CMTM8: variants seen among roughly 807,000 people sequenced by gnomAD.
CMTM8 encodes the protein CKLF-like MARVEL transmembrane domain-containing protein 8.
A neutral mutation model predicts 18.6 loss-of-function variants in CMTM8; 12 were observed. That is an observed-to-expected ratio of 0.65 (90% CI 0.41 to 1.05). The LOEUF is 1.05. Ranked by LOEUF, CMTM8 falls within the 50% of genes least tolerant of loss-of-function variation. The pLI, the probability that CMTM8 is intolerant of heterozygous loss-of-function variation, is 0.00. For synonymous variants in CMTM8, 87 were observed against 90.6 expected (o/e 0.96, Z 0.23); for missense variants, 217 against 227.2 (o/e 0.95, Z 0.29).
intron 1 of CMTM8, among the ~76,000 whole-genome samples, chr3:32,329,487 A>C (rs2125582760): frequency 6.6e-6 from 1 of 152,364 alleles, no homozygotes; most frequent in East Asian, 1.9e-4. Flanking sequence ...GACTGATGTA[A>C]TACACCACAT....
At chr3:32,340,960 C>T (rs73824677) in intron 1 of CMTM8, among the ~76,000 whole-genome samples, 4,208 of 152,328 alleles carry the variant, frequency 0.028, 109 homozygotes, top group South Asian at 0.066. Context: ...CTGTGTCAAA[C>T]TCTGTAATAT....
At chr3:32,249,210 C>T (rs1702083256) in intron 1 of CMTM8, among the ~76,000 whole-genome samples, 1 of 151,678 alleles carries the variant, frequency 6.6e-6, no homozygotes, top group Non-Finnish European at 1.5e-5. Context: ...AGGCAGATCG[C>T]TTGAGCCCAG....
chr3:32,252,589 T>C (rs759637769), intron 1 of CMTM8, among the ~76,000 whole-genome samples: 6 of 152,250 alleles, frequency 3.9e-5, no homozygotes, highest in South Asian at 2.1e-4. Context: ...TCTTACTCAG[T>C]TTTAAGTATT....
Position 32,353,906 on chromosome 3 carries a change from T to C in CMTM8, c.148-3467T>C, listed in dbSNP as rs558533937. Among the ~76,000 whole-genome samples, 359 of 151,106 alleles carry C rather than the reference T, an allele frequency of 2.4e-3. 2 individuals carry two copies. The highest frequency in any genetic ancestry group is 8.6e-3 in the African/African-American group (356 of 41,160). On this transcript the variant is annotated intron_variant, in intron 1 of 3. Coordinates refer to ENST00000307526, the MANE Select transcript of CMTM8 (RefSeq NM_178868.5). The stretch of plus-strand genomic sequence containing the variant: ...TTCAAGCGATTCTCCTGCCTCAGCC[T>C]CCCGAGTAGCTGGGACTACAGGCAG...
At chr3:32,355,075 A>T (rs764112920) in intron 1 of CMTM8, among the ~76,000 whole-genome samples, 15 of 152,344 alleles carry the variant, frequency 9.8e-5, no homozygotes, top group Non-Finnish European at 2.1e-4. Context: ...TTAGAGTCTT[A>T]GCTGCTCCCT....
chr3:32,260,339 A>C (rs1455068140), intron 1 of CMTM8: 1 of 561,980 alleles, frequency 1.8e-6, no homozygotes, highest in African/African-American at 1.9e-5. Context: ...ATAATGAACT[A>C]TACGTTAATA....
chr3:32,287,517 T>C (rs900717821), intron 1 of CMTM8, among the ~76,000 whole-genome samples: 1 of 152,168 alleles, frequency 6.6e-6, no homozygotes, highest in African/African-American at 2.4e-5. Flanking sequence ...AATTTTAATA[T>C]AGGTTGGGTG....
At chr3:32,327,770 T>C (rs1454465902) in intron 1 of CMTM8, among the ~76,000 whole-genome samples, 1 of 152,238 alleles carries the variant, frequency 6.6e-6, no homozygotes, top group Non-Finnish European at 1.5e-5. Flanking sequence ...CTGCACCCTC[T>C]TCAGTATTAT....
chr3:32,316,316 C>T (rs1480361884), intron 1 of CMTM8, among the ~76,000 whole-genome samples: 1 of 152,136 alleles, frequency 6.6e-6, no homozygotes, highest in Non-Finnish European at 1.5e-5. Flanking sequence ...CGTGAGCCAC[C>T]ACACCCGGCC....
chr3:32,325,462 A>G (rs950348031), intron 1 of CMTM8, among the ~76,000 whole-genome samples: 8 of 152,312 alleles, frequency 5.3e-5, no homozygotes, highest in South Asian at 2.1e-4. Context: ...TTAAGACTCA[A>G]TGGAACAGAA....
intron 1 of CMTM8, among the ~76,000 whole-genome samples, chr3:32,246,585 C>T (rs1702019011): frequency 6.6e-6 from 1 of 152,148 alleles, no homozygotes. Context: ...CTGCTGAGAC[C>T]TGATATATTA....
intron 1 of CMTM8, among the ~76,000 whole-genome samples, chr3:32,329,815 A>G (rs1211253581): frequency 1.3e-5 from 2 of 152,334 alleles, no homozygotes; most frequent in Admixed American, 1.3e-4. Flanking sequence ...GTGATTATCT[A>G]TGTTAACCAA....
intron 1 of CMTM8, chr3:32,259,966 G>T: frequency 8.8e-7 from 1 of 1,132,566 alleles, no homozygotes. Context: ...GGATCCTGCT[G>T]CACCTGGAGT....
At chr3:32,355,222 A>G (rs149330833) in intron 1 of CMTM8, among the ~76,000 whole-genome samples, 1 of 152,342 alleles carries the variant, frequency 6.6e-6, no homozygotes, top group Non-Finnish European at 1.5e-5. Flanking sequence ...TCTCTCTTCA[A>G]CATCTACTTC....
At chr3:32,254,543 T>C (rs184309857) in intron 1 of CMTM8, among the ~76,000 whole-genome samples, 34 of 152,274 alleles carry the variant, frequency 2.2e-4, no homozygotes, top group Admixed American at 2.2e-3. Flanking sequence ...AGTTATAAAT[T>C]CTATTTTGTT....
chr3:32,321,182 G>T (rs1696042067), intron 1 of CMTM8, among the ~76,000 whole-genome samples: 1 of 152,050 alleles, frequency 6.6e-6, no homozygotes, highest in Non-Finnish European at 1.5e-5. Context: ...AAGCGGCGGG[G>T]GGGCCAGCAT....
At chr3:32,307,341 TA>T (rs369866228) in intron 1 of CMTM8, among the ~76,000 whole-genome samples, 59 of 150,602 alleles carry the variant, frequency 3.9e-4, no homozygotes, top group African/African-American at 1.1e-3. Context: ...AACTCCATCT[TA>T]AAAAAAAAGA....
intron 1 of CMTM8, among the ~76,000 whole-genome samples, chr3:32,341,774 G>T (rs1275347492): frequency 6.6e-6 from 1 of 152,092 alleles, no homozygotes; most frequent in East Asian, 1.9e-4. Context: ...CTACTCTGGA[G>T]GCTGAAGCAG....
intron 1 of CMTM8, among the ~76,000 whole-genome samples, chr3:32,299,702 C>T (rs1355902298): frequency 6.6e-6 from 1 of 152,104 alleles, no homozygotes; most frequent in Non-Finnish European, 1.5e-5. Flanking sequence ...GAAAAATGTA[C>T]TTGAAACTTA....
Sources: allele counts gnomAD v4.1 joint callset (sites outside exome capture counted in the v4.1 genomes callset), GRCh38; gene constraint gnomAD v4.1.1; transcripts MANE v1.5; gene names NCBI Gene and HGNC (gene_info 2026-07-23, HGNC 2026-07-21).